Variants in DDX10 observed in about 807,000 individuals in gnomAD.
DDX10 encodes the protein probable ATP-dependent RNA helicase DDX10.
DDX10 carries 74 observed loss-of-function variants against 104.3 expected under a neutral mutation model. The ratio of observed to expected loss-of-function variants is 0.71; its 90% CI spans 0.59 to 0.86. The LOEUF (loss-of-function observed/expected upper bound fraction) is 0.86. Ranked by LOEUF, DDX10 falls within the 40% of genes least tolerant of loss-of-function variation. The pLI is 0.00. For missense variants in DDX10, 952 were observed against 1,040.0 expected, an observed-to-expected ratio of 0.92 and a Z score of 1.16; for synonymous variants, 351 against 353.4, an observed-to-expected ratio of 0.99 and a Z score of 0.08.
At chr11:108,724,391 A>G (rs1350324122) in intron 13 of DDX10, among the ~76,000 whole-genome samples, 1 of 152,076 alleles carries the variant, frequency 6.6e-6, no homozygotes. Flanking sequence ...GGTCGTTACT[A>G]CTATCTCATT....
intron 13 of DDX10, among the ~76,000 whole-genome samples, chr11:108,745,488 T>G (rs755543049): frequency 2.0e-5 from 3 of 152,066 alleles, no homozygotes; most frequent in Non-Finnish European, 2.9e-5. Flanking sequence ...GCAATTCGCC[T>G]TGGCCTTCCA....
At chr11:108,689,613 C>G (rs1476759232) in intron 7 of DDX10, among the ~76,000 whole-genome samples, 1 of 152,160 alleles carries the variant, frequency 6.6e-6, no homozygotes, top group East Asian at 1.9e-4. Context: ...TTAATAAACA[C>G]TTCTTGAACA....
intron 13 of DDX10, among the ~76,000 whole-genome samples, chr11:108,773,475 ATTC>A (rs1416904561): frequency 3.9e-5 from 6 of 152,090 alleles, no homozygotes; most frequent in African/African-American, 1.4e-4. Flanking sequence ...TTATTGTTCT[ATTC>A]TTCTACCAAA....
At chr11:108,854,502 TA>T (rs1381267754) in intron 16 of DDX10, among the ~76,000 whole-genome samples, 1 of 152,214 alleles carries the variant, frequency 6.6e-6, no homozygotes, top group East Asian at 1.9e-4. Flanking sequence ...TCCCTGAACC[TA>T]CAAGCTATCC....
At chr11:108,765,852 G>A (rs939504157) in intron 13 of DDX10, among the ~76,000 whole-genome samples, 1 of 152,172 alleles carries the variant, frequency 6.6e-6, no homozygotes, top group Non-Finnish European at 1.5e-5. Context: ...AGAAGATTAG[G>A]TTAGGTGTTA....
intron 16 of DDX10, among the ~76,000 whole-genome samples, chr11:108,896,597 G>A (rs760601318): frequency 3.3e-5 from 5 of 152,132 alleles, no homozygotes; most frequent in Non-Finnish European, 5.9e-5. Context: ...TGTAGCAAGA[G>A]CATTCCTGGT....
intron 16 of DDX10, among the ~76,000 whole-genome samples, chr11:108,873,531 A>G (rs575349939): frequency 3.3e-5 from 5 of 152,224 alleles, no homozygotes; most frequent in African/African-American, 1.2e-4. Context: ...GTCTTGTAAC[A>G]TTGTTCTGCC....
intron 13 of DDX10, among the ~76,000 whole-genome samples, chr11:108,728,501 G>GTTTTTTTTTT (rs1565260503): frequency 4.5e-5 from 3 of 66,916 alleles, no homozygotes; most frequent in African/African-American, 2.4e-4. Context: ...ATACACATTT[G>GTTTTTTTTTT]TTCTTTTTTT....
Position 108,917,963 on chromosome 11 carries a change from G to C in DDX10, c.2395G>C (p.Asp799His). ...GFDPSTLPDP[D>H]KYRSSEDSDS... Reference sequence around the variant, plus strand: ...TGATCCAAGCACACTCCCAGATCCAGATAAATACAGAAGCTCTGAAGATTC... The same window carrying C: ...TGATCCAAGCACACTCCCAGATCCACATAAATACAGAAGCTCTGAAGATTC... Residue 799 changes from aspartate to histidine, a missense_variant, in exon 17 of 18, where the codon GAT becomes CAT. Around this residue, in one of 3 missense-constraint regions of DDX10, gnomAD observed 533 missense variants for 534.1 expected, o/e 1.00. Coordinates refer to ENST00000322536, the MANE Select transcript of DDX10 (RefSeq NM_004398.4). The C allele has an allele frequency of 6.2e-7, 1 of 1,613,488 alleles. No homozygotes were observed. The highest frequency in any genetic ancestry group is 8.5e-7 in the Non-Finnish European group (1 of 1,179,916).
rs377434308 is a variant in DDX10 at position 108,936,429 on chromosome 11, C to G, written c.2451-3817C>G. ...AGAGTAATTGACGTATACCTAGCTA[C>G]CCAGAACTTCAAATTTAATTTTTTT... On this transcript the variant is annotated intron_variant, in intron 17 of 17. Coordinates refer to ENST00000322536, the MANE Select transcript of DDX10 (RefSeq NM_004398.4). Among the ~76,000 whole-genome samples, 11 of 152,192 alleles carry G rather than the reference C, an allele frequency of 7.2e-5. No homozygotes were observed. In the East Asian group the frequency reaches 9.6e-4, roughly 13 times the overall value.
intron 13 of DDX10, among the ~76,000 whole-genome samples, chr11:108,760,311 GTA>G (rs1334157000): frequency 6.6e-6 from 1 of 151,936 alleles, no homozygotes; most frequent in Admixed American, 6.6e-5. Context: ...GGGTTAGTGT[GTA>G]TATGAGGTAG....
At chr11:108,778,206 A>G (rs1312411241) in intron 13 of DDX10, among the ~76,000 whole-genome samples, 1 of 152,210 alleles carries the variant, frequency 6.6e-6, no homozygotes, top group African/African-American at 2.4e-5. Flanking sequence ...TAAAGTTCAT[A>G]TGGAACCAAA....
At chr11:108,697,758 T>G (rs763219176) in intron 9 of DDX10, among the ~76,000 whole-genome samples, 1 of 152,220 alleles carries the variant, frequency 6.6e-6, no homozygotes, top group Non-Finnish European at 1.5e-5. Context: ...GGCTTATAGT[T>G]CTTTTGGTAC....
At chr11:108,799,050 G>A (rs1198299512) in intron 13 of DDX10, among the ~76,000 whole-genome samples, 1 of 152,032 alleles carries the variant, frequency 6.6e-6, no homozygotes, top group Non-Finnish European at 1.5e-5. Context: ...GCTCTAATTT[G>A]GATAGAATAT....
chr11:108,694,836 G>T (rs1437921491), intron 9 of DDX10, among the ~76,000 whole-genome samples: 1 of 152,052 alleles, frequency 6.6e-6, no homozygotes, highest in Non-Finnish European at 1.5e-5. Flanking sequence ...AGCCGAGATC[G>T]CACCACTGCA....
intron 9 of DDX10, among the ~76,000 whole-genome samples, chr11:108,699,220 A>G (rs2094264112): frequency 6.6e-6 from 1 of 152,132 alleles, no homozygotes; most frequent in Non-Finnish European, 1.5e-5. Flanking sequence ...CTTACCTAAT[A>G]TGTTAATTAT....
intron 13 of DDX10, among the ~76,000 whole-genome samples, chr11:108,753,694 A>G (rs2094341176): frequency 6.6e-6 from 1 of 152,082 alleles, no homozygotes; most frequent in Non-Finnish European, 1.5e-5. Flanking sequence ...AAGCATCACG[A>G]AAAATTGCAA....
intron 6 of DDX10, among the ~76,000 whole-genome samples, chr11:108,683,148 T>A (rs2094237922): frequency 6.6e-6 from 1 of 152,172 alleles, no homozygotes; most frequent in Admixed American, 6.5e-5. Flanking sequence ...GACTGAGGTA[T>A]CTACCAGGGC....
intron 13 of DDX10, among the ~76,000 whole-genome samples, chr11:108,725,392 AGTT>A (rs1197308234): frequency 6.6e-6 from 1 of 152,104 alleles, no homozygotes; most frequent in East Asian, 1.9e-4. Flanking sequence ...GAAACTCCCC[AGTT>A]GTTTTCCAAA....
Sources: gnomAD v4.1 joint callset for allele counts (sites outside exome capture counted in the v4.1 genomes callset) on GRCh38, gnomAD v4.1.1 for gene constraint, gnomAD v4.1.1 regional missense constraint, MANE v1.5 for transcripts, NCBI Gene and HGNC (gene_info 2026-07-23, HGNC 2026-07-21) for gene names.